Variants in LRRC4C observed in about 807,000 individuals in gnomAD.
The protein encoded by LRRC4C is leucine rich repeat containing 4C.
Under a neutral mutation model 33.6 loss-of-function variants are expected in LRRC4C, and 5 were observed. The observed-to-expected ratio is 0.15, with a 90% confidence interval of 0.08 to 0.31. LRRC4C has a LOEUF of 0.31. LRRC4C is among the 10% of genes least tolerant of loss of function. LRRC4C has a pLI of 1.00. For missense variants in LRRC4C, 560 were observed against 796.7 expected (o/e 0.70, Z 3.58); for synonymous variants, 329 against 302.0 (o/e 1.09, Z -0.93).
intron 1 of LRRC4C, among the ~76,000 whole-genome samples, chr11:41,041,171 G>A (rs1307788947): frequency 6.6e-6 from 1 of 152,140 alleles, no homozygotes; most frequent in Non-Finnish European, 1.5e-5. Flanking sequence ...ACACAGAGAG[G>A]AGCAGCTTCT....
At chr11:40,463,876 A>G (rs1015027769) in intron 3 of LRRC4C, among the ~76,000 whole-genome samples, 1 of 152,114 alleles carries the variant, frequency 6.6e-6, no homozygotes, top group Non-Finnish European at 1.5e-5. Context: ...AGCAGTCTAT[A>G]GAAAATTGTT....
intron 2 of LRRC4C, among the ~76,000 whole-genome samples, chr11:40,720,900 T>G (rs1157873402): frequency 2.6e-5 from 4 of 152,196 alleles, no homozygotes; most frequent in Non-Finnish European, 5.9e-5. Flanking sequence ...TTATTTTGGC[T>G]TAAATTAAGT....
chr11:41,454,247 T>A (rs545849011), intron 1 of LRRC4C, among the ~76,000 whole-genome samples: 1 of 152,262 alleles, frequency 6.6e-6, no homozygotes, highest in East Asian at 1.9e-4. Flanking sequence ...TTACATCTTT[T>A]CTGATATGTT....
intron 1 of LRRC4C, among the ~76,000 whole-genome samples, chr11:40,981,537 C>G (rs1294864722): frequency 6.6e-6 from 1 of 152,186 alleles, no homozygotes; most frequent in East Asian, 1.9e-4. Context: ...GGCTTCTCAA[C>G]TCTCTGACTC....
At chr11:40,811,638 C>T (rs373978734) in intron 2 of LRRC4C, among the ~76,000 whole-genome samples, 4 of 152,142 alleles carry the variant, frequency 2.6e-5, no homozygotes, top group African/African-American at 4.8e-5. Flanking sequence ...GCTGGGACTA[C>T]AGGCACACAC....
chr11:40,742,186 T>C (rs967896034), intron 2 of LRRC4C, among the ~76,000 whole-genome samples: 2 of 151,994 alleles, frequency 1.3e-5, no homozygotes, highest in Admixed American at 1.3e-4. Context: ...GCTTCTATAC[T>C]GAATGGTTTT....
At chr11:41,273,604 G>A (rs1949388044) in intron 1 of LRRC4C, among the ~76,000 whole-genome samples, 1 of 152,158 alleles carries the variant, frequency 6.6e-6, no homozygotes, top group Non-Finnish European at 1.5e-5. Context: ...AGGGGAAAAT[G>A]GAGAATTATT....
At chr11:40,569,988 T>C (rs1426200257) in intron 3 of LRRC4C, among the ~76,000 whole-genome samples, 1 of 151,978 alleles carries the variant, frequency 6.6e-6, no homozygotes, top group East Asian at 1.9e-4. Flanking sequence ...GGTAACATTG[T>C]ATAAAATGCA....
At chr11:41,019,356 C>G (rs1024738330) in intron 1 of LRRC4C, among the ~76,000 whole-genome samples, 1 of 152,054 alleles carries the variant, frequency 6.6e-6, no homozygotes, top group Non-Finnish European at 1.5e-5. Context: ...GATCTCATTC[C>G]TTTTTATGGC....
intron 1 of LRRC4C, among the ~76,000 whole-genome samples, chr11:41,077,191 G>A (rs924522146): frequency 6.6e-6 from 1 of 152,194 alleles, no homozygotes; most frequent in Non-Finnish European, 1.5e-5. Context: ...CAAGCAGTCA[G>A]TGGATCTAGC....
chr11:40,955,507 C>T (rs969607845), intron 1 of LRRC4C, among the ~76,000 whole-genome samples: 1 of 151,530 alleles, frequency 6.6e-6, no homozygotes, highest in South Asian at 2.1e-4. Flanking sequence ...ATAAATATAC[C>T]TTTTCTTAAT....
At chr11:40,620,186 A>G (rs1962314431) in intron 3 of LRRC4C, among the ~76,000 whole-genome samples, 1 of 151,654 alleles carries the variant, frequency 6.6e-6, no homozygotes, top group African/African-American at 2.4e-5. Flanking sequence ...ATTAGAAGAT[A>G]ATGAGAGGAG....
At chr11:40,199,594 A>G (rs1862539781) in intron 5 of LRRC4C, among the ~76,000 whole-genome samples, 1 of 152,222 alleles carries the variant, frequency 6.6e-6, no homozygotes, top group African/African-American at 2.4e-5. Flanking sequence ...TTTCTCCAGA[A>G]AGACCAAGAA....
At chr11:40,596,249 G>T (rs1959280551) in intron 3 of LRRC4C, among the ~76,000 whole-genome samples, 1 of 152,096 alleles carries the variant, frequency 6.6e-6, no homozygotes, top group African/African-American at 2.4e-5. Context: ...CAGCAAGAGA[G>T]AAATTCAAAA....
chr11:41,143,858 G>A (rs147353704), intron 1 of LRRC4C, among the ~76,000 whole-genome samples: 140 of 152,284 alleles, frequency 9.2e-4, no homozygotes, highest in African/African-American at 3.2e-3. Flanking sequence ...ACTTGCAAGC[G>A]TATCCTCTGT....
chr11:40,544,363 C>A (rs562561807), intron 3 of LRRC4C, among the ~76,000 whole-genome samples: 3 of 151,990 alleles, frequency 2.0e-5, no homozygotes, highest in Non-Finnish European at 4.4e-5. Context: ...CTTCCCATGA[C>A]CTCCTTCTCA....
chr11:41,278,431 T>C (rs1282034797), intron 1 of LRRC4C, among the ~76,000 whole-genome samples: 1 of 152,242 alleles, frequency 6.6e-6, no homozygotes, highest in Admixed American at 6.5e-5. Context: ...AATCTATCGA[T>C]GACATTAAGT....
intron 3 of LRRC4C, among the ~76,000 whole-genome samples, chr11:40,322,043 A>G (rs896922839): frequency 1.3e-5 from 2 of 152,074 alleles, no homozygotes; most frequent in African/African-American, 4.8e-5. Context: ...AGTGAATCAT[A>G]TTATGTAGAT....
At chr11:41,328,746 T>C (rs1951202013) in intron 1 of LRRC4C, among the ~76,000 whole-genome samples, 1 of 152,194 alleles carries the variant, frequency 6.6e-6, no homozygotes, top group Admixed American at 6.6e-5. Context: ...AGGACATGTC[T>C]CTCTCAGATC....
Sources: allele counts gnomAD v4.1 joint callset (sites outside exome capture counted in the v4.1 genomes callset), GRCh38; gene constraint gnomAD v4.1.1; transcripts MANE v1.5; gene names NCBI Gene and HGNC (gene_info 2026-07-23, HGNC 2026-07-21).